Variants in POM121 observed in about 807,000 individuals in gnomAD.
POM121 encodes the protein POM121 transmembrane nucleoporin.
In POM121, 32 loss-of-function variants were observed where a neutral mutation model predicts 81.3. That is an observed-to-expected ratio of 0.39 (90% CI 0.30 to 0.53). The LOEUF (loss-of-function observed/expected upper bound fraction) is 0.53. POM121 is among the 20% of genes least tolerant of loss of function. POM121 has a pLI of 0.66. For missense variants in POM121, 1,138 were observed against 1,614.6 expected, an observed-to-expected ratio of 0.70 and a Z score of 5.06; for synonymous variants, 514 against 694.2, an observed-to-expected ratio of 0.74 and a Z score of 4.08.
rs549274057 is a variant in POM121, at chr7:72,942,089, C to A, written c.2096C>A (p.Ala699Asp). 4 of 1,608,010 alleles carry A rather than the reference C, an allele frequency of 2.5e-6. No homozygotes were observed. Among genetic ancestry groups the A allele is most frequent in the South Asian group, 1.1e-5 (1 of 90,732 alleles). The change falls in exon 11 of 13, where the codon GCC becomes GAC. Residue 699 changes from alanine (A) to aspartate (D), a missense_variant. Physicochemically the swap from Ala to Asp is moderately radical, Grantham distance 126. Around this residue, in one of 7 missense-constraint regions of POM121, gnomAD observed 25 missense variants for 214.1 expected, o/e 0.12. Transcript: ENST00000434423. ...CAAGCCACATCTGCCCCGTCCCCCG[C>A]CCCCAAGCAAAGCTTCCTGTTTGGA... ...KPQATSAPSP[A>D]PKQSFLFGTQ...
In POM121 at chr7:72,926,518, C is replaced by T. The variant is rs781950640; in HGVS notation, c.860+41C>T. On this transcript the variant is annotated intron_variant, in intron 2 of 12. Transcript: ENST00000434423. ...GGAAGAATACTCTCCCTTTTCGTGT[C>T]CACTTTATTCTTCTCCAGTTGTTCC... 2.5e-6 allele frequency: 4 copies of T among 1,609,920 alleles called. No individual in the cohort carries two copies. The Admixed American group carries it at 6.7e-5, about 27-fold the overall frequency.
intron 3 of POM121, among the ~76,000 whole-genome samples, chr7:72,912,649 C>T (rs1793916791): frequency 6.6e-6 from 1 of 152,128 alleles, no homozygotes; most frequent in Non-Finnish European, 1.5e-5. Context: ...CATGGTGGTG[C>T]ATGCCTGTGG....
intron 5 of POM121, among the ~76,000 whole-genome samples, chr7:72,935,286 C>T (rs1554499241): frequency 6.6e-6 from 1 of 152,008 alleles, no homozygotes; most frequent in African/African-American, 2.4e-5. Flanking sequence ...GATTCTCCTG[C>T]CTCAGCCTCT....
At chr7:72,921,445 C>A (rs1554495991), upstream of POM121, among the ~76,000 whole-genome samples, 1 of 152,194 alleles carries the variant, frequency 6.6e-6, no homozygotes, top group Non-Finnish European at 1.5e-5. Flanking sequence ...TCAGCCTGAT[C>A]TCTGCCTCCT....
In POM121 at chr7:72,947,915, C is replaced by G; in HGVS notation, c.*1681C>G. 13 of 1,026,004 alleles carry G rather than the reference C, an allele frequency of 1.3e-5. No homozygotes were observed. Among genetic ancestry groups the G allele is most frequent in the Non-Finnish European group, 1.4e-5 (12 of 853,284 alleles). The allele number at this position is 1,026,004 out of a possible 1,614,324, so 63.6% of individuals were successfully genotyped here. On this transcript the variant is annotated 3_prime_UTR_variant, in exon 13 of 13. Coordinates refer to ENST00000434423, the MANE Select transcript of POM121 (RefSeq NM_001387691.1). The stretch of plus-strand genomic sequence containing the variant: ...CTCCTTCCCACCCCTCAGAACAGCT[C>G]TGATCCTCGTTAATACCTGGCTGCG...
chr7:72,928,516 G>C, intron 4 of POM121, 51 bp downstream of exon 4: 1 of 1,579,174 alleles, frequency 6.3e-7, no homozygotes. Context: ...AAAAAGGCCT[G>C]ATCAGAGCTG....
chr7:72,886,635 A>G (rs1554490107), intron 1 of POM121, among the ~76,000 whole-genome samples: 1 of 152,122 alleles, frequency 6.6e-6, no homozygotes, highest in African/African-American at 2.4e-5. Flanking sequence ...ATGAATTATT[A>G]TATGTCTGCA....
rs1226284074 is a variant in POM121 at position 72,926,350 on chromosome 7, C to T, written c.733C>T (p.Leu245Phe). Residue 245 changes from leucine (L) to phenylalanine (F), a missense_variant, in exon 2 of 13, where the codon CTT becomes TTT. By Grantham distance (22) the Leu-to-Phe change is conservative. Transcript: ENST00000434423. ...GGCCCAGTATTCCTGTCTGGGGGTA[C>T]TTCCCACCGTGTGCTGGAATGGTTA... ...HQAQYSCLGVLPTVCWNGYHK... is the reference protein window; with the variant it reads ...HQAQYSCLGVFPTVCWNGYHK... The T allele has an allele frequency of 1.9e-6, 3 of 1,613,518 alleles. No homozygotes were observed. The highest frequency in any genetic ancestry group is 2.7e-5 in the African/African-American group (2 of 74,906).
In POM121 at chr7:72,890,735, A is replaced by G. The variant is rs1231876771; in HGVS notation, c.-412A>G. On this transcript the variant is annotated 5_prime_UTR_variant, in exon 2 of 16. Coordinates refer to the POM121 transcript ENST00000395270. ...CGGGGATGTGATGTTGGAGAACTACAGCCATCTAGTTTCCCTGGGTGAGGA... is the reference window on the plus strand; with the variant it reads ...CGGGGATGTGATGTTGGAGAACTACGGCCATCTAGTTTCCCTGGGTGAGGA... 6 of 1,601,856 alleles carry G rather than the reference A, an allele frequency of 3.7e-6. No individual in the cohort carries two copies. The African/African-American group carries it at 6.7e-5, about 18-fold the overall frequency.
chr7:72,928,479 C>A lies in POM121; in HGVS notation c.1103+14C>A. The stretch of plus-strand genomic sequence containing the variant: ...TTTTGTGCCTAAGTAAGTGGGAGTC[C>A]ATCCGGATGAAATACCAACTGTTTG... On this transcript the variant is annotated intron_variant, in intron 4 of 12. Coordinates refer to ENST00000434423, the MANE Select transcript of POM121 (RefSeq NM_001387691.1). 2 of 1,611,028 alleles carry A rather than the reference C, an allele frequency of 1.2e-6. No individual in the cohort carries two copies. The highest frequency in any genetic ancestry group is 1.7e-6 in the Non-Finnish European group (2 of 1,177,190).
At chr7:72,945,966 G>C (rs1230161509) in intron 12 of POM121, among the ~76,000 whole-genome samples, 171 bp from the exon 13 acceptor site, 3 of 152,098 alleles carry the variant, frequency 2.0e-5, no homozygotes. Flanking sequence ...GACTCTCTGG[G>C]AGTTTGCATT....
chr7:72,908,993 G>A (rs1554493875), intron 3 of POM121, among the ~76,000 whole-genome samples: 1 of 152,186 alleles, frequency 6.6e-6, no homozygotes, highest in South Asian at 2.1e-4. Flanking sequence ...GACAGGCATA[G>A]AAAATCACAA....
chr7:72,940,002 G>A (rs773394940), intron 8 of POM121, 34 bp downstream of exon 8: 10 of 1,598,004 alleles, frequency 6.3e-6, no homozygotes, highest in South Asian at 2.2e-5. Context: ...TGCCCTCCCC[G>A]GCTTAGCTCT....
intron 4 of POM121, among the ~76,000 whole-genome samples, chr7:72,919,571 T>A (rs1794613201): frequency 6.6e-6 from 1 of 152,084 alleles, no homozygotes; most frequent in African/African-American, 2.4e-5. Context: ...AGCCTTGACC[T>A]TCCAGGCTCA....
At chr7:72,893,901 C>T (rs1162213518) in intron 3 of POM121, among the ~76,000 whole-genome samples, 4 of 152,126 alleles carry the variant, frequency 2.6e-5, no homozygotes, top group African/African-American at 9.7e-5. Context: ...CAACTCGGCG[C>T]CGTGTCTCTG....
At chr7:72,889,683 A>C (rs573509691) in intron 1 of POM121, among the ~76,000 whole-genome samples, 3 of 152,316 alleles carry the variant, frequency 2.0e-5, no homozygotes, top group Admixed American at 6.5e-5. Context: ...ATTTTTAAAA[A>C]AATTTTTATT....
intron 3 of POM121, among the ~76,000 whole-genome samples, chr7:72,902,127 C>A (rs1473451555): frequency 1.1e-4 from 17 of 151,258 alleles, no homozygotes; most frequent in African/African-American, 4.1e-4. Context: ...AAACAAAAAA[C>A]AAAAAACTGT....
At chr7:72,921,383 A>C (rs1200427568), upstream of POM121, among the ~76,000 whole-genome samples, 1 of 152,126 alleles carries the variant, frequency 6.6e-6, no homozygotes, top group Non-Finnish European at 1.5e-5. Context: ...CCCTCTTTGC[A>C]TAGTGCCCTC....
chr7:72,907,282 C>A (rs539014245), intron 3 of POM121, among the ~76,000 whole-genome samples: 10 of 152,162 alleles, frequency 6.6e-5, no homozygotes, highest in East Asian at 3.9e-4. Context: ...TCTTTCTAGG[C>A]CCCTTTGCCC....
Sources: gnomAD v4.1 joint callset for allele counts (sites outside exome capture counted in the v4.1 genomes callset) on GRCh38, gnomAD v4.1.1 for gene constraint, gnomAD v4.1.1 regional missense constraint, MANE v1.5 for transcripts, NCBI Gene and HGNC (gene_info 2026-07-23, HGNC 2026-07-21) for gene names.